The following SOX6 variants were observed in gnomAD, a reference collection of about 807,000 sequenced individuals.
SOX6 encodes the protein transcription factor SOX-6.
Under a neutral mutation model 97.8 loss-of-function variants are expected in SOX6, and 11 were observed. The observed-to-expected ratio is 0.11, with a 90% CI of 0.07 to 0.19. The LOEUF (loss-of-function observed/expected upper bound fraction) is 0.19, where lower values mean the gene tolerates loss of function less well. SOX6 is among the 10% of genes least tolerant of loss of function. The pLI, the probability that SOX6 is intolerant of heterozygous loss-of-function variation, is 1.00. For synonymous variants in SOX6, 360 were observed against 371.4 expected, an observed-to-expected ratio of 0.97 and a Z score of 0.35; for missense variants, 810 against 1,039.5, an observed-to-expected ratio of 0.78 and a Z score of 3.04.
chr11:16,650,148 A>T (rs747526813), intron 3 of SOX6, among the ~76,000 whole-genome samples: 67 of 152,120 alleles, frequency 4.4e-4, no homozygotes, highest in Non-Finnish European at 8.7e-4. Context: ...TTACTACTAA[A>T]CCTAAGAAAT....
chr11:16,120,501 C>T (rs1336001685), intron 6 of SOX6, among the ~76,000 whole-genome samples: 1 of 151,208 alleles, frequency 6.6e-6, no homozygotes, highest in Non-Finnish European at 1.5e-5. Flanking sequence ...TTTACAAACT[C>T]AGGATTGGGA....
intron 6 of SOX6, among the ~76,000 whole-genome samples, chr11:16,139,951 T>TTA (rs149983908): frequency 0.095 from 11,882 of 124,496 alleles, 522 homozygotes; most frequent in East Asian, 0.11. Flanking sequence ...GGCTCATATA[T>TTA]TATATATATA....
chr11:16,067,506 A>G (rs1321540913), intron 9 of SOX6, among the ~76,000 whole-genome samples: 1 of 152,112 alleles, frequency 6.6e-6, no homozygotes, highest in African/African-American at 2.4e-5. Context: ...TTCTGCCATG[A>G]TTGTGAGGCC....
intron 4 of SOX6, among the ~76,000 whole-genome samples, chr11:16,591,258 G>A (rs1043441410): frequency 6.6e-6 from 1 of 152,002 alleles, no homozygotes; most frequent in Middle Eastern, 3.4e-3. Flanking sequence ...ACTTTCATGT[G>A]ATGACAAGAA....
At chr11:16,516,162 G>C (rs1259525961) in intron 4 of SOX6, among the ~76,000 whole-genome samples, 5 of 150,002 alleles carry the variant, frequency 3.3e-5, no homozygotes, top group Non-Finnish European at 7.4e-5. Context: ...TCATGATATT[G>C]ATTCTTCCTA....
At chr11:16,158,009 T>C (rs1469286139) in intron 6 of SOX6, among the ~76,000 whole-genome samples, 1 of 152,054 alleles carries the variant, frequency 6.6e-6, no homozygotes, top group Admixed American at 6.6e-5. Context: ...CATTATATTG[T>C]TGCCATTTAC....
At chr11:16,109,270 G>A (rs1261970671) in intron 7 of SOX6, among the ~76,000 whole-genome samples, 2 of 151,932 alleles carry the variant, frequency 1.3e-5, no homozygotes, top group South Asian at 2.1e-4. Context: ...GCAGAATCAC[G>A]GCTCACTGCT....
chr11:15,986,834 C>T (rs1853858364), intron 14 of SOX6, among the ~76,000 whole-genome samples: 1 of 152,154 alleles, frequency 6.6e-6, no homozygotes, highest in Non-Finnish European at 1.5e-5. Context: ...TCCCAAACTC[C>T]AAGTATCTTT....
chr11:16,468,973 A>G (rs1189991685), intron 1 of SOX6, among the ~76,000 whole-genome samples: 2 of 152,126 alleles, frequency 1.3e-5, no homozygotes, highest in East Asian at 3.8e-4. Flanking sequence ...CATGACTATC[A>G]CTGATAATTG....
At chr11:16,290,719 C>T (rs1304826958) in intron 3 of SOX6, among the ~76,000 whole-genome samples, 1 of 152,104 alleles carries the variant, frequency 6.6e-6, no homozygotes, top group Non-Finnish European at 1.5e-5. Context: ...ATAGGTTATA[C>T]ACCCAGGCAC....
chr11:16,364,535 T>C (rs983772688), intron 1 of SOX6, among the ~76,000 whole-genome samples: 20 of 152,074 alleles, frequency 1.3e-4, no homozygotes, highest in Non-Finnish European at 1.9e-4. Flanking sequence ...TTATTTGACA[T>C]TGGGCAAAAT....
intron 3 of SOX6, among the ~76,000 whole-genome samples, chr11:16,643,515 G>C (rs1183728125): frequency 2.0e-5 from 3 of 152,194 alleles, no homozygotes; most frequent in African/African-American, 7.2e-5. Context: ...CCCAGAGGTG[G>C]AGTCTACAGA....
At chr11:16,027,790 C>T (rs1044022723) in intron 12 of SOX6, among the ~76,000 whole-genome samples, 1 of 152,172 alleles carries the variant, frequency 6.6e-6, no homozygotes, top group African/African-American at 2.4e-5. Context: ...ACATGCTCAC[C>T]GCGCATCTAG....
At chr11:16,223,631 G>C (rs988295686) in intron 4 of SOX6, among the ~76,000 whole-genome samples, 1 of 152,084 alleles carries the variant, frequency 6.6e-6, no homozygotes, top group African/African-American at 2.4e-5. Flanking sequence ...AAGAATACTA[G>C]CTACTTTAAT....
intron 6 of SOX6, among the ~76,000 whole-genome samples, chr11:16,134,227 G>A (rs562868314): frequency 5.9e-5 from 9 of 152,312 alleles, no homozygotes; most frequent in African/African-American, 2.2e-4. Context: ...CTATTAAGGG[G>A]ATGGTCCAGG....
intron 9 of SOX6, among the ~76,000 whole-genome samples, chr11:16,079,528 T>A (rs978457110): frequency 2.0e-5 from 3 of 152,088 alleles, no homozygotes; most frequent in African/African-American, 7.2e-5. Context: ...TGAACAAAAA[T>A]AATAATACAT....
chr11:16,144,083 T>C (rs1850223877), intron 6 of SOX6, among the ~76,000 whole-genome samples: 1 of 152,184 alleles, frequency 6.6e-6, no homozygotes, highest in Admixed American at 6.5e-5. Context: ...TATTCCACAA[T>C]TGACCACATA....
At chr11:16,035,344 C>T (rs1403751527) in intron 12 of SOX6, among the ~76,000 whole-genome samples, 1 of 152,134 alleles carries the variant, frequency 6.6e-6, no homozygotes, top group Non-Finnish European at 1.5e-5. Flanking sequence ...CTCTTTGAAC[C>T]TCATACTCAT....
At position 16,585,681 on chromosome 11, in the gene SOX6, C is replaced by CTT. The variant is rs35531411; in HGVS notation, n.609+26398_609+26399dup. Among the ~76,000 whole-genome samples, 194 of 108,318 alleles carry CTT rather than the reference C, an allele frequency of 1.8e-3. 7 individuals are homozygous for CTT. Among genetic ancestry groups the CTT allele is most frequent in the Middle Eastern group, 5.7e-3 (1 of 176 alleles). 71.1% of individuals were successfully genotyped at this position (108,318 alleles called of 152,430 possible). On this transcript the variant is annotated intron_variant and non_coding_transcript_variant, in intron 4 of 5. Transcript: ENST00000524520. ...TCAACGGAGAATTTTTTTTTTTTTA[C>CTT]TTTTTTTTTTTTTTTTTTTGAGACA...
Sources: gnomAD v4.1 joint callset for allele counts (sites outside exome capture counted in the v4.1 genomes callset) on GRCh38, gnomAD v4.1.1 for gene constraint, MANE v1.5 for transcripts, NCBI Gene and HGNC (gene_info 2026-07-23, HGNC 2026-07-21) for gene names.